The following FAAP100 variants were observed in gnomAD, a reference collection of about 807,000 sequenced individuals.
The protein encoded by FAAP100 is Fanconi anemia core complex-associated protein 100.
In FAAP100, 46 loss-of-function variants were observed where a neutral mutation model predicts 65.8. The observed-to-expected ratio is 0.70, with a 90% CI of 0.55 to 0.89. FAAP100 has a LOEUF of 0.89. Among genes scored for constraint, FAAP100 ranks in the 40% least tolerant of loss-of-function variants. FAAP100 has a pLI of 0.00. For synonymous variants in FAAP100, 663 were observed against 555.1 expected, an observed-to-expected ratio of 1.19 and a Z score of -2.73; for missense variants, 1,165 against 1,196.7, an observed-to-expected ratio of 0.97 and a Z score of 0.39.
At chr17:81,540,978 C>G (rs111467214) in intron 8 of FAAP100, 28 bp from the exon 9 acceptor site, 1 of 1,547,498 alleles carries the variant, frequency 6.5e-7, no homozygotes, top group African/African-American at 1.4e-5. Context: ...ACAGCTCAGG[C>G]CCCCCACCTG....
chr17:81,541,350 G>T lies in FAAP100; in HGVS notation c.2473C>A (p.Leu825Ile). 2 of 1,611,842 alleles carry T rather than the reference G, an allele frequency of 1.2e-6. No homozygotes were observed. The highest frequency in any genetic ancestry group is 1.1e-5 in the South Asian group (1 of 90,848). Residue 825 changes from leucine (L) to isoleucine (I), a missense_variant, in exon 8 of 9, where the codon CTC becomes ATC. Transcript: ENST00000327787. ...QATQGSSAPD[L>I]RVQYLRQIHA... ...ATCTGGCGGAGGTACTGCACACGGA[G>T]ATCAGGAGCGCTGGAGCCCTGGGTG...
rs1398766074 is a variant in FAAP100 at position 81,547,626 on chromosome 17, G to A, written c.1456C>T (p.Leu486Phe). Residue 486 changes from leucine (L) to phenylalanine (F), a missense_variant, in exon 5 of 9, where the codon CTC becomes TTC. Transcript: ENST00000327787. ...VDQRNKALTS[L>F]NEAMNVSCAL... is the part of the protein sequence containing the mutation. ...CAGCTCACGTTCATGGCCTCGTTGA[G>A]GCTTGTCAGTGCCTTGTTCCGCTGG... 2 of 1,612,964 alleles carry A rather than the reference G, an allele frequency of 1.2e-6. No homozygotes were observed. The highest frequency in any genetic ancestry group is 1.7e-6 in the Non-Finnish European group (2 of 1,179,632).
At chr17:81,544,596 G>A (rs1598592445) in intron 6 of FAAP100, among the ~76,000 whole-genome samples, 1 of 152,240 alleles carries the variant, frequency 6.6e-6, no homozygotes, top group African/African-American at 2.4e-5. Context: ...CTATCTATGG[G>A]ACACCCACCT....
Position 81,550,818 on chromosome 17 carries a change from C to T in FAAP100, c.676G>A (p.Gly226Arg), listed in dbSNP as rs768301603. ...GGFTLEDALF[G>R]LLFGADATLL... ...GTGGCATCAGCTCCAAAGAGGAGCCCGAAGAGGGCGTCCTCCAGCGTGAAG... is the reference window on the plus strand; with the variant it reads ...GTGGCATCAGCTCCAAAGAGGAGCCTGAAGAGGGCGTCCTCCAGCGTGAAG... The change falls in exon 3 of 9, where the codon GGG becomes AGG. Residue 226 changes from glycine to arginine, a missense_variant. Transcript: ENST00000327787. The T allele has an allele frequency of 4.3e-6, 7 of 1,612,222 alleles. No homozygotes were observed. The highest frequency in any genetic ancestry group is 5.1e-6 in the Non-Finnish European group (6 of 1,179,642).
At position 81,550,840 on chromosome 17, in the gene FAAP100, GA is replaced by G; in HGVS notation, c.653del (p.Phe218SerfsTer36). On this transcript the variant is annotated frameshift_variant, in exon 3 of 9. Coordinates refer to ENST00000327787, the MANE Select transcript of FAAP100 (RefSeq NM_025161.6). LOFTEE classifies it high-confidence loss of function. ...PHDLLGGSGG[F>X]TLEDALFGLL... is the part of the protein sequence containing the mutation. ...GCCCGAAGAGGGCGTCCTCCAGCGT[GA>G]AGCCCCCGGAGCCCCCGAGGAGGTC... is the stretch of plus-strand genomic sequence containing the variant. The G allele has an allele frequency of 1.2e-6, 2 of 1,612,142 alleles. No homozygotes were observed. The highest frequency in any genetic ancestry group is 1.3e-5 in the African/African-American group (1 of 75,050).
In FAAP100 at chr17:81,552,346, G is replaced by A. The variant is rs1043314824; in HGVS notation, c.-16C>T. 2.9e-6 allele frequency: 4 copies of A among 1,357,348 alleles called. No homozygotes were observed. The highest frequency in any genetic ancestry group is 1.5e-5 in the African/African-American group (1 of 64,866). The allele number at this position is 1,357,348 out of a possible 1,614,324, so 84.1% of individuals were successfully genotyped here. A position where few individuals can be genotyped will look rare whatever the true frequency, so the allele number is the denominator to read the frequency against. ...CGCCGGCCATCGTGCGCGCGGGCCC[G>A]TCAGAGTGAGAAGCCCCGGCCGCGC... On this transcript the variant is annotated 5_prime_UTR_variant, in exon 1 of 9. The change creates a new upstream start codon in the 5' untranslated region. Transcript: ENST00000327787.
intron 7 of FAAP100, among the ~76,000 whole-genome samples, 174 bp from the exon 8 acceptor site, chr17:81,541,569 C>T (rs998292511): frequency 2.0e-5 from 3 of 152,246 alleles, no homozygotes; most frequent in African/African-American, 7.2e-5. Context: ...CGACTTCCTG[C>T]CCTCCAGAGC....
chr17:81,548,971 C>T (rs2033400293), intron 4 of FAAP100, among the ~76,000 whole-genome samples: 1 of 131,630 alleles, frequency 7.6e-6, no homozygotes, highest in Non-Finnish European at 1.5e-5. Flanking sequence ...ACCCGGGAGG[C>T]GGAGCTTGCA....
intron 4 of FAAP100, 110 bp from the exon 5 acceptor site, chr17:81,547,788 C>G: frequency 7.4e-7 from 1 of 1,348,366 alleles, no homozygotes. Context: ...GACAAGCACA[C>G]GGTGGGTGTG....
rs779089599 is a variant in FAAP100, at chr17:81,550,417, G to A, written c.1077C>T (p.Tyr359=). The A allele has an allele frequency of 6.2e-7, 1 of 1,612,486 alleles. No homozygotes were observed. The highest frequency in any genetic ancestry group is 1.7e-5 in the Admixed American group (1 of 60,014). The change falls in exon 3 of 9, where the codon TAC becomes TAT. Residue 359 remains tyrosine (Y), a synonymous_variant. Transcript: ENST00000327787. ...CACAGAGGTCAGAAGGGGTGCTGTG[G>A]TACACGCGGCCACCCCCGCCACAGG... ...CAACGGGGRV[Y]HSTPSDLCVV... is the part of the protein sequence containing the mutation.
chr17:81,550,975 C>A lies in FAAP100; in HGVS notation c.519G>T (p.Val173=). 6.2e-7 allele frequency: 1 copy of A among 1,612,024 alleles called. No homozygotes were observed. The highest frequency in any genetic ancestry group is 1.1e-5 in the South Asian group (1 of 90,910). The change falls in exon 3 of 9, where the codon GTG becomes GTT. Residue 173 remains valine (V), a synonymous_variant. Coordinates refer to ENST00000327787, the MANE Select transcript of FAAP100 (RefSeq NM_025161.6). ...CTGGGGGCGTGTAGGAGGACAGCTC[C>A]ACCTCACCGATCTGGCCTCCTGGCC... is the stretch of plus-strand genomic sequence containing the variant. ...DPRPGGQIGE[V]ELSSYTPPAG...
intron 6 of FAAP100, among the ~76,000 whole-genome samples, chr17:81,545,425 G>A (rs2033263417): frequency 6.6e-6 from 1 of 152,234 alleles, no homozygotes; most frequent in Non-Finnish European, 1.5e-5. Flanking sequence ...GGTTAGCGGG[G>A]CTGCTGCTCC....
At chr17:81,544,214 G>C in intron 6 of FAAP100, 94 bp from the exon 7 acceptor site, 1 of 1,015,500 alleles carries the variant, frequency 9.8e-7, no homozygotes, top group Non-Finnish European at 1.5e-6. Context: ...CTGGCAGCAC[G>C]TGAGGCCCTG....
chr17:81,543,759 T>G (rs550718770), intron 7 of FAAP100, among the ~76,000 whole-genome samples: 1 of 152,186 alleles, frequency 6.6e-6, no homozygotes, highest in South Asian at 2.1e-4. Flanking sequence ...GACTCACAGG[T>G]GCCCAGGGGG....
At chr17:81,551,309 G>A in intron 2 of FAAP100, 106 bp from the exon 3 acceptor site, 2 of 1,154,696 alleles carry the variant, frequency 1.7e-6, no homozygotes, top group Non-Finnish European at 1.2e-6. Context: ...TTCCCGCAGT[G>A]ACCCCCAAGG....
chr17:81,546,298 T>C (rs1457791586), intron 5 of FAAP100: 6 of 183,990 alleles, frequency 3.3e-5, no homozygotes, highest in Admixed American at 2.4e-4. Flanking sequence ...AGCAGAACGG[T>C]GACATCTGCA....
In FAAP100 at chr17:81,552,052, C is replaced by T; in HGVS notation, c.166G>A (p.Ala56Thr). Residue 56 changes from alanine to threonine, a missense_variant and splice_region_variant, in exon 2 of 9, where the codon GCG becomes ACG. Ala to Thr is a moderately conservative substitution (Grantham distance 58). Transcript: ENST00000327787. Reference protein sequence around the residue: ...VYDQEGGLLTAAFRFPDQVWH... With the variant: ...VYDQEGGLLTTAFRFPDQVWH... ...ACCTGGTCGGGGAACCGGAACGCCG[C>T]CTGCGGACCGGGGCGCGGGTCAGGC... The T allele has an allele frequency of 1.3e-6, 2 of 1,517,496 alleles. No homozygotes were observed. The highest frequency in any genetic ancestry group is 1.7e-6 in the Non-Finnish European group (2 of 1,143,580). The allele number at this position is 1,517,496 out of a possible 1,614,324, so 94.0% of individuals were successfully genotyped here.
At position 81,547,420 on chromosome 17, in the gene FAAP100, G is replaced by C. The variant is rs777397330; in HGVS notation, c.1662C>G (p.Leu554=). Reference sequence around the variant, plus strand: ...TGGCGGAGCAGGCCGAGTCCAGGTCGAGAGCACAGGAGCTGGTGAGCACCT... The same window carrying C: ...TGGCGGAGCAGGCCGAGTCCAGGTCCAGAGCACAGGAGCTGGTGAGCACCT... ...CIQVLTSSCA[L]DLDSACSAIT... The change falls in exon 5 of 9, where the codon CTC becomes CTG. Residue 554 remains leucine, a synonymous_variant. Coordinates refer to ENST00000327787, the MANE Select transcript of FAAP100 (RefSeq NM_025161.6). 1 of 1,612,924 alleles carries C rather than the reference G, an allele frequency of 6.2e-7. No homozygotes were observed. Among genetic ancestry groups the C allele is most frequent in the East Asian group, 2.2e-5 (1 of 44,892 alleles).
chr17:81,548,115 G>A (rs1431037668), intron 4 of FAAP100: 5 of 614,836 alleles, frequency 8.1e-6, no homozygotes, highest in Non-Finnish European at 1.5e-5. Flanking sequence ...GGGGTCGCAG[G>A]CGCTACAGAA....
Sources: allele counts gnomAD v4.1 joint callset (sites outside exome capture counted in the v4.1 genomes callset), GRCh38; gene constraint gnomAD v4.1.1; transcripts MANE v1.5; gene names NCBI Gene and HGNC (gene_info 2026-07-23, HGNC 2026-07-21).